Variants in MCPH1 observed in about 807,000 individuals in gnomAD.
MCPH1 encodes the protein microcephalin 1.
Under a neutral mutation model 84.5 loss-of-function variants are expected in MCPH1, and 104 were observed. That is an observed-to-expected ratio of 1.23 (90% confidence interval 1.05 to 1.45). MCPH1 has a LOEUF of 1.45. Ranked by LOEUF, MCPH1 falls within the 40% of genes most tolerant of loss-of-function variation. MCPH1 has a pLI of 0.00. For missense variants in MCPH1, 1,498 were observed against 1,005.7 expected (o/e 1.49, Z -6.62); for synonymous variants, 514 against 366.8 (o/e 1.40, Z -4.58).
At chr8:6,627,184 C>G in intron 13 of MCPH1, 1 of 985,384 alleles carries the variant, frequency 1.0e-6, no homozygotes, top group Non-Finnish European at 1.2e-6. Context: ...TGGGGCCACT[C>G]GGGAGGCCTC....
intron 13 of MCPH1, among the ~76,000 whole-genome samples, chr8:6,623,688 CAAAAAAAAAAAAAAAAAA>C (rs377522481): frequency 3.4e-4 from 31 of 92,422 alleles, no homozygotes; most frequent in South Asian, 1.5e-3. Context: ...AACCAACTTC[CAAAAAAAAAAAAAAAAAA>C]AAAAAAAAAA....
intron 12 of MCPH1, among the ~76,000 whole-genome samples, chr8:6,539,120 A>C (rs1057411477): frequency 3.3e-5 from 5 of 152,188 alleles, no homozygotes; most frequent in Non-Finnish European, 7.3e-5. Flanking sequence ...GCTGAGCCTA[A>C]AGAGGGAAGG....
chr8:6,469,527 A>G (rs938490649), intron 9 of MCPH1, among the ~76,000 whole-genome samples: 1 of 152,250 alleles, frequency 6.6e-6, no homozygotes. Context: ...ATATAAATAT[A>G]TGATTCTGAT....
rs1172999495 is a variant in MCPH1, at chr8:6,499,595, A to G, written c.2137-257A>G. 5.0e-5 allele frequency: 16 copies of G among 319,618 alleles called. No individual in the cohort carries two copies. In the East Asian group the frequency reaches 8.4e-4, roughly 17 times the overall value. 19.8% of individuals were successfully genotyped at this position (319,618 alleles called of 1,614,324 possible). On this transcript the variant is annotated intron_variant, in intron 11 of 13. Coordinates refer to ENST00000344683, the MANE Select transcript of MCPH1 (RefSeq NM_024596.5). ...TTCATATGTGTAAAAACAGGATAAT[A>G]TTTAAATATCTGACCTCATGAGAAT...
chr8:6,412,467 A>G lies in MCPH1; in HGVS notation c.115-2298A>G, dbSNP rs1798671909. On this transcript the variant is annotated intron_variant, in intron 2 of 13. Transcript: ENST00000344683. The stretch of plus-strand genomic sequence containing the variant: ...GTCGTTAACATCGTAAGATTTGGAT[A>G]TTTGTAGTACTCGTAATCCGGGATT... Among the ~76,000 whole-genome samples the G allele has an allele frequency of 2.6e-5, 4 of 152,232 alleles. No individual in the cohort carries two copies. The South Asian group carries it at 8.3e-4, about 32-fold the overall frequency.
In MCPH1 at chr8:6,588,623, C is replaced by T. The variant is rs548973454; in HGVS notation, c.2215-32831C>T. ...ATGTGAACGCATTGAACTGTTAAAC[C>T]GTGTCTCTGGCGGCCACATCTCCGG... is the stretch of plus-strand genomic sequence containing the variant. On this transcript the variant is annotated intron_variant, in intron 12 of 13. Coordinates refer to ENST00000344683, the MANE Select transcript of MCPH1 (RefSeq NM_024596.5). Among the ~76,000 whole-genome samples the T allele has an allele frequency of 1.6e-4, 24 of 152,366 alleles. 1 individual carries two copies. In the South Asian group the frequency reaches 4.6e-3, roughly 29 times the overall value.
At chr8:6,493,098 T>C (rs1810835327) in intron 11 of MCPH1, among the ~76,000 whole-genome samples, 1 of 152,216 alleles carries the variant, frequency 6.6e-6, no homozygotes, top group South Asian at 2.1e-4. Context: ...TGGAATTTGT[T>C]ATATTTATTT....
At position 6,474,186 on chromosome 8, in the gene MCPH1, C is replaced by T. The variant is rs188214061; in HGVS notation, c.1936-3408C>T. On this transcript the variant is annotated intron_variant, in intron 9 of 13. Transcript: ENST00000344683. ...TTATCTAACTCATCAGCTACTCTGT[C>T]TTCATCTAAAATGGGACAATTATAC... The T allele has an allele frequency of 4.2e-6, 3 of 721,278 alleles. No individual in the cohort carries two copies. In the East Asian group the frequency reaches 7.4e-5, roughly 18 times the overall value. 44.7% of individuals were successfully genotyped at this position (721,278 alleles called of 1,614,324 possible). A position where few individuals can be genotyped will look rare whatever the true frequency, so the allele number is the denominator to read the frequency against.
At chr8:6,584,997 G>A (rs1827855490) in intron 12 of MCPH1, among the ~76,000 whole-genome samples, 1 of 152,216 alleles carries the variant, frequency 6.6e-6, no homozygotes, top group South Asian at 2.1e-4. Flanking sequence ...TCATGAAGCA[G>A]TAGATATCCC....
intron 9 of MCPH1, among the ~76,000 whole-genome samples, chr8:6,456,752 G>T (rs954989808): frequency 6.6e-6 from 1 of 151,998 alleles, no homozygotes; most frequent in African/African-American, 2.4e-5. Flanking sequence ...AAAGGCATGA[G>T]GTTTGACTTT....
At chr8:6,490,414 G>A (rs3020288) in intron 11 of MCPH1, among the ~76,000 whole-genome samples, 15,280 of 152,120 alleles carry the variant, frequency 0.1, 1,998 homozygotes, top group African/African-American at 0.3. Flanking sequence ...TTAACAATCT[G>A]TTATTTCAAG....
intron 13 of MCPH1, chr8:6,624,784 C>A (rs537354005): frequency 2.0e-6 from 2 of 984,424 alleles, no homozygotes; most frequent in African/African-American, 3.5e-5. Context: ...ACACGTAAAC[C>A]TACAGAACAC....
At position 6,435,816 on chromosome 8, in the gene MCPH1, T is replaced by C. The variant is rs2979642; in HGVS notation, c.322-232T>C. On this transcript the variant is annotated intron_variant, in intron 4 of 13. Coordinates refer to ENST00000344683, the MANE Select transcript of MCPH1 (RefSeq NM_024596.5). ...AGAATGCTAGGATCATGAAAATGTC[T>C]CACAAAGCATAATACAGAGCCTTTT... is the stretch of plus-strand genomic sequence containing the variant. Among the ~76,000 whole-genome samples the C allele has an allele frequency of 0.015, 2,278 of 152,286 alleles. 58 individuals carry two copies. The highest frequency in any genetic ancestry group is 0.051 in the African/African-American group (2,129 of 41,546).
intron 12 of MCPH1, among the ~76,000 whole-genome samples, chr8:6,561,565 G>A (rs577661599): frequency 1.4e-4 from 22 of 152,324 alleles, no homozygotes; most frequent in African/African-American, 3.1e-4. Context: ...AGGGTCATGC[G>A]TCAAATGAGG....
chr8:6,607,664 T>A (rs1490747965), intron 12 of MCPH1, among the ~76,000 whole-genome samples: 1 of 152,190 alleles, frequency 6.6e-6, no homozygotes, highest in Non-Finnish European at 1.5e-5. Flanking sequence ...TTTCCCCCCA[T>A]ACAGTTCTCA....
chr8:6,409,406 G>T, intron 2 of MCPH1, 36 bp downstream of exon 2: 2 of 1,480,006 alleles, frequency 1.4e-6, no homozygotes, highest in Non-Finnish European at 1.9e-6. Flanking sequence ...TCATATGACA[G>T]TCTTCTGATT....
chr8:6,444,866 A>T lies in MCPH1; in HGVS notation c.1144A>T (p.Met382Leu), dbSNP rs1449134332. ...AAAGAGGAGCACCAGGAGATCTATC[A>T]TGCCGAGGCTGCAGCTGTGCAGGTC... ...KRKRSTRRSI[M>L]PRLQLCRSED... Residue 382 changes from methionine to leucine, a missense_variant, in exon 8 of 14, where the codon ATG becomes TTG. Physicochemically the swap from Met to Leu is conservative, Grantham distance 15. Coordinates refer to ENST00000344683, the MANE Select transcript of MCPH1 (RefSeq NM_024596.5). 1.2e-6 allele frequency: 2 copies of T among 1,614,112 alleles called. No individual in the cohort carries two copies. Among genetic ancestry groups the T allele is most frequent in the Admixed American group, 1.7e-5 (1 of 60,000 alleles).
intron 12 of MCPH1, chr8:6,503,096 G>C: frequency 6.2e-7 from 1 of 1,614,154 alleles, no homozygotes; most frequent in Non-Finnish European, 8.5e-7. Flanking sequence ...GGTGGACTGG[G>C]ATGTTTAGAA....
chr8:6,519,271 C>G (rs1252575912), intron 12 of MCPH1, among the ~76,000 whole-genome samples: 1 of 152,124 alleles, frequency 6.6e-6, no homozygotes, highest in Non-Finnish European at 1.5e-5. Context: ...TTTCACGATG[C>G]TAAGACACCA....
Sources: allele counts gnomAD v4.1 joint callset (sites outside exome capture counted in the v4.1 genomes callset), GRCh38; gene constraint gnomAD v4.1.1; transcripts MANE v1.5; gene names NCBI Gene and HGNC (gene_info 2026-07-23, HGNC 2026-07-21).